Variants in MSI2 observed in about 807,000 individuals in gnomAD.
MSI2 encodes RNA-binding protein Musashi homolog 2.
In MSI2, 17 loss-of-function variants were observed where a neutral mutation model predicts 45.6. The observed-to-expected ratio is 0.37, with a 90% confidence interval of 0.26 to 0.56. The LOEUF is 0.56. MSI2 is among the 20% of genes least tolerant of loss of function. MSI2 has a pLI of 0.77. For synonymous variants in MSI2, 156 were observed against 158.2 expected (o/e 0.99, Z 0.11); for missense variants, 293 against 444.2 (o/e 0.66, Z 3.06).
At chr17:57,286,052 CTCTTTCTG>C in intron 5 of MSI2, 1 of 1,326,522 alleles carries the variant, frequency 7.5e-7, no homozygotes, top group Non-Finnish European at 1.0e-6. Flanking sequence ...GCTAGCCAGC[CTCTTTCTG>C]TCTTTCCCTC....
chr17:57,256,104 T>C (rs774457745), upstream of MSI2: 3 of 151,784 alleles, frequency 2.0e-5, no homozygotes, highest in Admixed American at 6.6e-5. Context: ...CAAACTTGAA[T>C]GGAGAGGGCG....
At chr17:57,402,354 C>G (rs1480862989) in intron 6 of MSI2, among the ~76,000 whole-genome samples, 1 of 152,178 alleles carries the variant, frequency 6.6e-6, no homozygotes, top group Non-Finnish European at 1.5e-5. Flanking sequence ...TAATTGTGGA[C>G]ATCGCGTGGG....
intron 7 of MSI2, among the ~76,000 whole-genome samples, chr17:57,570,091 G>A (rs60866053): frequency 0.016 from 2,366 of 152,320 alleles, 63 homozygotes; most frequent in African/African-American, 0.055. Context: ...CATTAAAATG[G>A]TGTTTACAGA....
intron 5 of MSI2, among the ~76,000 whole-genome samples, chr17:57,322,343 A>G (rs1004597131): frequency 2.6e-5 from 4 of 152,208 alleles, no homozygotes; most frequent in African/African-American, 9.7e-5. Flanking sequence ...TTTGGTTCTC[A>G]GAGTCTGATT....
chr17:57,347,638 G>A (rs553032777), intron 5 of MSI2, among the ~76,000 whole-genome samples: 58 of 152,284 alleles, frequency 3.8e-4, no homozygotes, highest in African/African-American at 1.3e-3. Flanking sequence ...GATGTTCAGC[G>A]AGGTCACTCC....
intron 10 of MSI2, among the ~76,000 whole-genome samples, chr17:57,646,556 C>T (rs1346117355): frequency 6.6e-6 from 1 of 152,194 alleles, no homozygotes; most frequent in African/African-American, 2.4e-5. Context: ...GCCCAACCTC[C>T]TTGCAACAGA....
chr17:57,271,051 A>G (rs1908309790), intron 5 of MSI2, among the ~76,000 whole-genome samples: 1 of 152,110 alleles, frequency 6.6e-6, no homozygotes, highest in African/African-American at 2.4e-5. Context: ...AGTCCCGGGG[A>G]GCAGCTAGGG....
intron 5 of MSI2, among the ~76,000 whole-genome samples, chr17:57,362,155 T>A (rs1009443564): frequency 2.6e-5 from 4 of 152,236 alleles, no homozygotes; most frequent in Non-Finnish European, 4.4e-5. Context: ...TGGTGGGCAG[T>A]ATCTTTGTAA....
intron 11 of MSI2, among the ~76,000 whole-genome samples, chr17:57,672,097 A>G (rs951045222): frequency 2.6e-5 from 4 of 152,226 alleles, no homozygotes; most frequent in African/African-American, 9.6e-5. Flanking sequence ...GGGACCCAGC[A>G]GCCCTGTCTT....
chr17:57,511,604 G>A (rs1448021641), intron 6 of MSI2, among the ~76,000 whole-genome samples: 3 of 151,516 alleles, frequency 2.0e-5, no homozygotes, highest in African/African-American at 7.3e-5. Flanking sequence ...TGTTTCCCGG[G>A]GTTGATGCAG....
chr17:57,452,228 G>C (rs117300269), intron 6 of MSI2, among the ~76,000 whole-genome samples: 1 of 152,230 alleles, frequency 6.6e-6, no homozygotes, highest in South Asian at 2.1e-4. Context: ...TCTTCTTTCC[G>C]GTGGCTCTCT....
chr17:57,593,255 T>C (rs535456402), intron 7 of MSI2, among the ~76,000 whole-genome samples: 1 of 152,330 alleles, frequency 6.6e-6, no homozygotes, highest in South Asian at 2.1e-4. Context: ...AGCTGAAACC[T>C]AGAACCTTGC....
chr17:57,507,660 C>CT (rs963244922), intron 6 of MSI2, among the ~76,000 whole-genome samples: 1 of 151,784 alleles, frequency 6.6e-6, no homozygotes, highest in African/African-American at 2.4e-5. Flanking sequence ...ACCCCCCTGA[C>CT]CCCCGCCTCA....
intron 5 of MSI2, chr17:57,264,100 T>G (rs1338151032): frequency 6.6e-6 from 1 of 152,188 alleles, no homozygotes; most frequent in Non-Finnish European, 1.5e-5. Context: ...AAGAGCATGG[T>G]CTGCGACAAA....
chr17:57,500,009 T>C (rs998336256), intron 6 of MSI2, among the ~76,000 whole-genome samples: 2 of 151,752 alleles, frequency 1.3e-5, no homozygotes, highest in African/African-American at 4.8e-5. Context: ...TCAACTGGAA[T>C]GAAGGGGAGG....
intron 6 of MSI2, among the ~76,000 whole-genome samples, chr17:57,452,788 T>G (rs1193951003): frequency 6.6e-6 from 1 of 152,180 alleles, no homozygotes; most frequent in Non-Finnish European, 1.5e-5. Flanking sequence ...GTGTTCCTCT[T>G]ACCAGCCCAT....
At chr17:57,700,433 C>G in the MSI2 span, among the ~76,000 whole-genome samples, 3 of 152,150 alleles carry the variant, frequency 2.0e-5, no homozygotes, top group East Asian at 1.9e-4. Context: ...ATTGAAGAAG[C>G]ATAAAAGTGC....
intron 6 of MSI2, among the ~76,000 whole-genome samples, chr17:57,409,248 T>C (rs888693645): frequency 3.3e-5 from 5 of 152,246 alleles, no homozygotes; most frequent in Non-Finnish European, 5.9e-5. Flanking sequence ...TGATATTTAA[T>C]AGCTTTTAGC....
Position 57,575,944 on chromosome 17 carries a change from C to CAAA in MSI2, c.455-20899_455-20897dup, listed in dbSNP as rs34036311. On this transcript the variant is annotated intron_variant, in intron 7 of 13. Transcript: ENST00000284073. ...TGGGCGACAGAGCGAGACTCCGTCT[C>CAAA]AAAAAAAAAAAAAAAAAAAAAAAAA... is the stretch of plus-strand genomic sequence containing the variant. Among the ~76,000 whole-genome samples, 215 of 64,348 alleles carry CAAA rather than the reference C, an allele frequency of 3.3e-3. 10 individuals are homozygous for CAAA. Among genetic ancestry groups the CAAA allele is most frequent in the African/African-American group, 7.1e-3 (142 of 20,040 alleles). The allele number at this position is 64,348 out of a possible 152,430, so 42.2% of individuals were successfully genotyped here. A position where few individuals can be genotyped will look rare whatever the true frequency, so the allele number is the denominator to read the frequency against.
Sources: allele counts gnomAD v4.1 joint callset (sites outside exome capture counted in the v4.1 genomes callset), GRCh38; gene constraint gnomAD v4.1.1; transcripts MANE v1.5; gene names NCBI Gene and HGNC (gene_info 2026-07-23, HGNC 2026-07-21).